Variants in SUFU observed in about 807,000 individuals in gnomAD.
SUFU encodes SUFU negative regulator of hedgehog signaling.
Under a neutral mutation model 58.9 loss-of-function variants are expected in SUFU, and 7 were observed. The ratio of observed to expected loss-of-function variants is 0.12; its 90% confidence interval spans 0.07 to 0.22. The LOEUF is 0.22. Ranked by LOEUF, SUFU falls within the 10% of genes least tolerant of loss-of-function variation. SUFU has a pLI of 1.00. For missense variants in SUFU, 451 were observed against 641.3 expected (o/e 0.70, Z 3.20); for synonymous variants, 232 against 254.8 (o/e 0.91, Z 0.85).
intron 3 of SUFU, among the ~76,000 whole-genome samples, chr10:102,576,850 C>A (rs1009512117): frequency 1.3e-5 from 2 of 151,860 alleles, no homozygotes; most frequent in Admixed American, 1.3e-4. Flanking sequence ...TGTGGAACTA[C>A]AAGTGTGCAC....
chr10:102,622,599 G>A (rs2063749110), intron 10 of SUFU, among the ~76,000 whole-genome samples: 1 of 152,116 alleles, frequency 6.6e-6, no homozygotes, highest in African/African-American at 2.4e-5. Context: ...AAAATTAGCC[G>A]GGCATGGCGG....
intron 2 of SUFU, among the ~76,000 whole-genome samples, chr10:102,540,773 G>A (rs1279170439): frequency 6.6e-6 from 1 of 151,364 alleles, no homozygotes; most frequent in Non-Finnish European, 1.5e-5. Context: ...TACAATCCTA[G>A]CGCTCTGGGA....
At chr10:102,585,833 C>T (rs193100699) in intron 3 of SUFU, among the ~76,000 whole-genome samples, 59 of 151,396 alleles carry the variant, frequency 3.9e-4, no homozygotes, top group Admixed American at 9.2e-4. Context: ...TTGCATTCCT[C>T]TGATGGTTAA....
At chr10:102,558,733 A>C (rs1399969276) in intron 3 of SUFU, among the ~76,000 whole-genome samples, 3 of 152,262 alleles carry the variant, frequency 2.0e-5, no homozygotes, top group Non-Finnish European at 4.4e-5. Context: ...ACGGCTTTGC[A>C]TAGGCAAAAT....
At chr10:102,527,920 A>T in intron 2 of SUFU, among the ~76,000 whole-genome samples, 1 of 152,210 alleles carries the variant, frequency 6.6e-6, no homozygotes, top group Admixed American at 6.5e-5. Flanking sequence ...ATACTTAGGC[A>T]CAGAGGGCAC....
chr10:102,575,096 C>T (rs1325488353), intron 3 of SUFU, among the ~76,000 whole-genome samples: 2 of 151,618 alleles, frequency 1.3e-5, no homozygotes, highest in African/African-American at 4.8e-5. Context: ...TGCCTGTAGT[C>T]TTAGCTACTC....
At chr10:102,592,550 G>T in intron 3 of SUFU, 32 bp from the exon 4 acceptor site, 3 of 1,613,224 alleles carry the variant, frequency 1.9e-6, no homozygotes, top group South Asian at 2.2e-5. Context: ...CTGGGGCCTT[G>T]AACAATGAGG....
chr10:102,618,790 T>G, intron 10 of SUFU: 1 of 519,130 alleles, frequency 1.9e-6, no homozygotes, highest in Non-Finnish European at 3.4e-6. Flanking sequence ...CCCCCAGCCA[T>G]GTCCCGGGCT....
At chr10:102,589,572 A>G (rs539454643) in intron 3 of SUFU, among the ~76,000 whole-genome samples, 38 of 146,444 alleles carry the variant, frequency 2.6e-4, no homozygotes, top group Non-Finnish European at 5.1e-4. Flanking sequence ...TGGCCTCCCG[A>G]GTAGCTGGGA....
intron 3 of SUFU, among the ~76,000 whole-genome samples, chr10:102,560,115 C>G (rs1564681036): frequency 6.6e-6 from 1 of 152,078 alleles, no homozygotes; most frequent in Non-Finnish European, 1.5e-5. Context: ...TTCCCTTTCC[C>G]CTGTTTACAA....
intron 2 of SUFU, among the ~76,000 whole-genome samples, chr10:102,536,851 C>A (rs1253568248): frequency 6.6e-6 from 1 of 151,494 alleles, no homozygotes. Flanking sequence ...TACTCTGTTG[C>A]CCAGGCTAGA....
At chr10:102,582,857 T>C (rs1350574064) in intron 3 of SUFU, among the ~76,000 whole-genome samples, 3 of 152,200 alleles carry the variant, frequency 2.0e-5, no homozygotes, top group Non-Finnish European at 4.4e-5. Context: ...GGCGACGTTC[T>C]TTCAGACACT....
intron 2 of SUFU, among the ~76,000 whole-genome samples, chr10:102,537,298 T>G (rs913517368): frequency 6.6e-6 from 1 of 152,000 alleles, no homozygotes; most frequent in Non-Finnish European, 1.5e-5. Context: ...GGCCAGCTAA[T>G]TTTTAAATTG....
At chr10:102,532,156 CAG>C (rs2062684414) in intron 2 of SUFU, among the ~76,000 whole-genome samples, 1 of 152,048 alleles carries the variant, frequency 6.6e-6, no homozygotes, top group East Asian at 1.9e-4. Flanking sequence ...TTGGTAGAAA[CAG>C]GGTTTCACCA....
chr10:102,608,116 C>T (rs529642903), intron 8 of SUFU, among the ~76,000 whole-genome samples: 25 of 151,380 alleles, frequency 1.7e-4, no homozygotes, highest in African/African-American at 5.3e-4. Context: ...CCCAGCTCTT[C>T]GGGAGGCTGA....
chr10:102,616,553 A>G (rs2063688918), intron 9 of SUFU, among the ~76,000 whole-genome samples: 1 of 152,168 alleles, frequency 6.6e-6, no homozygotes, highest in African/African-American at 2.4e-5. Flanking sequence ...GGGCCTTTCA[A>G]CTGGTGAAGG....
In SUFU at chr10:102,632,187, C is replaced by T. The variant is rs1305258182; in HGVS notation, c.*2032C>T. The T allele has an allele frequency of 8.6e-6, 2 of 233,208 alleles. No homozygotes were observed. The highest frequency in any genetic ancestry group is 1.7e-5 in the Non-Finnish European group (2 of 118,110). The allele number at this position is 233,208 out of a possible 1,614,324, so 14.4% of individuals were successfully genotyped here. A position where few individuals can be genotyped will look rare whatever the true frequency, so the allele number is the denominator to read the frequency against. ...GGGTGGGGATGGGGCATTTTCTGAG[C>T]TAAGCTTTGTCATTAGTTTGTGAAG... On this transcript the variant is annotated 3_prime_UTR_variant, in exon 12 of 12. Transcript: ENST00000369902.
intron 3 of SUFU, among the ~76,000 whole-genome samples, chr10:102,553,191 A>G (rs1331064669): frequency 6.6e-6 from 1 of 152,108 alleles, no homozygotes; most frequent in East Asian, 1.9e-4. Context: ...TCTACTTTAA[A>G]TTTTTTTTAG....
intron 3 of SUFU, among the ~76,000 whole-genome samples, chr10:102,589,442 C>CTTTTTTTTT (rs747625757): frequency 0.056 from 3,636 of 65,348 alleles, 907 homozygotes; most frequent in African/African-American, 0.065. Flanking sequence ...TTCTTTCTTT[C>CTTTTTTTTT]TTTTTTTTTT....
Sources: gnomAD v4.1 joint callset for allele counts (sites outside exome capture counted in the v4.1 genomes callset) on GRCh38, gnomAD v4.1.1 for gene constraint, MANE v1.5 for transcripts, NCBI Gene and HGNC (gene_info 2026-07-23, HGNC 2026-07-21) for gene names.